Variants in GREM2 observed in about 807,000 individuals in gnomAD.
GREM2 encodes the protein gremlin-2.
GREM2 carries 11 observed loss-of-function variants against 14.2 expected under a neutral mutation model. The observed-to-expected ratio is 0.78, with a 90% CI of 0.49 to 1.28. The LOEUF (loss-of-function observed/expected upper bound fraction) is 1.28, where lower values mean the gene tolerates loss of function less well. Ranked by LOEUF, GREM2 falls within the 50% of genes most tolerant of loss-of-function variation. The pLI, the probability that GREM2 is intolerant of heterozygous loss-of-function variation, is 0.00. For missense variants in GREM2, 210 were observed against 218.5 expected (o/e 0.96, Z 0.24); for synonymous variants, 98 against 97.6 (o/e 1.00, Z -0.02).
At chr1:240,495,649 T>C (rs763508251) in intron 1 of GREM2, among the ~76,000 whole-genome samples, 12 of 152,244 alleles carry the variant, frequency 7.9e-5, no homozygotes, top group Non-Finnish European at 1.6e-4. Flanking sequence ...GCCAAGATTC[T>C]ATAGCCAGTA....
intron 1 of GREM2, among the ~76,000 whole-genome samples, chr1:240,541,772 C>A (rs1678594818): frequency 6.6e-6 from 1 of 151,980 alleles, no homozygotes. Flanking sequence ...TTCTTTCCAG[C>A]AAGACAAGCA....
At chr1:240,503,488 T>C (rs945184507) in intron 1 of GREM2, among the ~76,000 whole-genome samples, 1 of 152,222 alleles carries the variant, frequency 6.6e-6, no homozygotes, top group Non-Finnish European at 1.5e-5. Context: ...TCCTTCACAT[T>C]AAACCCTTTA....
At chr1:240,519,405 A>G (rs1408299009) in intron 1 of GREM2, among the ~76,000 whole-genome samples, 1 of 145,372 alleles carries the variant, frequency 6.9e-6, no homozygotes, top group East Asian at 2.0e-4. Context: ...CTTCATCTCT[A>G]TCCTGGTAAC....
chr1:240,555,150 A>AAAAGAAAGAAAG (rs139334582), intron 1 of GREM2, among the ~76,000 whole-genome samples: 2 of 150,620 alleles, frequency 1.3e-5, no homozygotes, highest in Admixed American at 1.3e-4. Flanking sequence ...CATCTCAAAA[A>AAAAGAAAGAAAG]AAAGAAAGAA....
intron 1 of GREM2, among the ~76,000 whole-genome samples, chr1:240,566,094 A>G (rs189242558): frequency 6.6e-6 from 1 of 152,184 alleles, no homozygotes; most frequent in East Asian, 1.9e-4. Flanking sequence ...CCCATGTGAT[A>G]TTTGTACCAT....
rs574677738 is a variant in GREM2 at position 240,594,233 on chromosome 1, C to T, written c.-2+17651G>A. Reference sequence around the variant, plus strand: ...CCTCCCAAAGTGTTGGGATTAGAGGCGTGGTGTGAGCCACTGCTCCCGGCC... The same window carrying T: ...CCTCCCAAAGTGTTGGGATTAGAGGTGTGGTGTGAGCCACTGCTCCCGGCC... On this transcript the variant is annotated intron_variant, in intron 1 of 1. Coordinates refer to ENST00000318160, the MANE Select transcript of GREM2 (RefSeq NM_022469.4). Among the ~76,000 whole-genome samples, 5 of 152,190 alleles carry T rather than the reference C, an allele frequency of 3.3e-5. No individual in the cohort carries two copies. The East Asian group carries it at 9.7e-4, about 30-fold the overall frequency.
chr1:240,493,966 G>C (rs992643560), intron 1 of GREM2, among the ~76,000 whole-genome samples: 15 of 152,376 alleles, frequency 9.8e-5, no homozygotes, highest in African/African-American at 3.4e-4. Context: ...AATAATGCCT[G>C]GAAGGCAAGG....
chr1:240,508,657 A>T (rs1047739197), intron 1 of GREM2, among the ~76,000 whole-genome samples: 1 of 152,224 alleles, frequency 6.6e-6, no homozygotes, highest in Non-Finnish European at 1.5e-5. Flanking sequence ...TTCCAAACAC[A>T]AGTATTGGCA....
intron 1 of GREM2, among the ~76,000 whole-genome samples, chr1:240,611,371 T>C (rs1357441273): frequency 6.6e-6 from 1 of 152,088 alleles, no homozygotes; most frequent in Non-Finnish European, 1.5e-5. Flanking sequence ...GTAGTGATAA[T>C]AGTGATATTT....
chr1:240,499,837 C>T (rs1677525916), intron 1 of GREM2, among the ~76,000 whole-genome samples: 1 of 149,500 alleles, frequency 6.7e-6, no homozygotes, highest in African/African-American at 2.5e-5. Context: ...ATGGCTGCTG[C>T]TTTGGTGCTA....
At chr1:240,588,151 G>A (rs12059393) in intron 1 of GREM2, among the ~76,000 whole-genome samples, 184 of 152,310 alleles carry the variant, frequency 1.2e-3, no homozygotes, top group African/African-American at 4.3e-3. Flanking sequence ...CGATTCTGAG[G>A]TGTGTGTTTT....
At chr1:240,578,935 G>A (rs1679425496) in intron 1 of GREM2, among the ~76,000 whole-genome samples, 1 of 152,198 alleles carries the variant, frequency 6.6e-6, no homozygotes, top group African/African-American at 2.4e-5. Context: ...CAGTGAATCT[G>A]ATACTCTGCC....
At chr1:240,500,988 C>G (rs1677559078) in intron 1 of GREM2, among the ~76,000 whole-genome samples, 1 of 152,120 alleles carries the variant, frequency 6.6e-6, no homozygotes, top group Non-Finnish European at 1.5e-5. Flanking sequence ...TGAGTTCCTG[C>G]TGGTGCACAT....
At chr1:240,597,459 C>G (rs190023504) in intron 1 of GREM2, among the ~76,000 whole-genome samples, 1 of 152,204 alleles carries the variant, frequency 6.6e-6, no homozygotes, top group Non-Finnish European at 1.5e-5. Context: ...TCTTCTAGTA[C>G]GATACGTGCT....
intron 1 of GREM2, among the ~76,000 whole-genome samples, chr1:240,532,141 T>A (rs1345912164): frequency 1.3e-5 from 2 of 151,868 alleles, no homozygotes; most frequent in African/African-American, 4.8e-5. Flanking sequence ...TAGAGTGCAG[T>A]GGCACGATCT....
At position 240,591,017 on chromosome 1, in the gene GREM2, T is replaced by C. The variant is rs117489981; in HGVS notation, c.-2+20867A>G. ...GGCTGGTCTCAAATGCCTGACCTCATGATCTGCCCTCCTTGGCCTCCCGAA... is the reference window on the plus strand; with the variant it reads ...GGCTGGTCTCAAATGCCTGACCTCACGATCTGCCCTCCTTGGCCTCCCGAA... On this transcript the variant is annotated intron_variant, in intron 1 of 1. Coordinates refer to ENST00000318160, the MANE Select transcript of GREM2 (RefSeq NM_022469.4). Among the ~76,000 whole-genome samples the C allele has an allele frequency of 3.4e-3, 512 of 151,882 alleles. 26 individuals are homozygous for C. The East Asian group carries it at 0.093, about 28-fold the overall frequency.
chr1:240,529,495 G>A (rs891012215), intron 1 of GREM2, among the ~76,000 whole-genome samples: 8 of 151,742 alleles, frequency 5.3e-5, no homozygotes, highest in Non-Finnish European at 1.2e-4. Flanking sequence ...TAACCTATGT[G>A]GGCATCTACC....
intron 1 of GREM2, among the ~76,000 whole-genome samples, chr1:240,601,563 T>C (rs915651067): frequency 2.0e-5 from 3 of 152,196 alleles, no homozygotes; most frequent in African/African-American, 7.2e-5. Flanking sequence ...GTTGGTAAGA[T>C]GTGGACAACA....
At chr1:240,505,592 T>G (rs1043002149) in intron 1 of GREM2, among the ~76,000 whole-genome samples, 13 of 152,130 alleles carry the variant, frequency 8.5e-5, no homozygotes, top group African/African-American at 3.1e-4. Flanking sequence ...CTGGGTATAT[T>G]TATGCCTTTT....
Sources: gnomAD v4.1 joint callset for allele counts (sites outside exome capture counted in the v4.1 genomes callset) on GRCh38, gnomAD v4.1.1 for gene constraint, MANE v1.5 for transcripts, NCBI Gene and HGNC (gene_info 2026-07-23, HGNC 2026-07-21) for gene names.